Variants in NR3C2 observed in about 807,000 individuals in gnomAD.
NR3C2 encodes mineralocorticoid receptor.
Under a neutral mutation model 86.4 loss-of-function variants are expected in NR3C2, and 15 were observed. That is an observed-to-expected ratio of 0.17 (90% confidence interval 0.12 to 0.27). The LOEUF (loss-of-function observed/expected upper bound fraction) is 0.27. Ranked by LOEUF, NR3C2 falls within the 10% of genes least tolerant of loss-of-function variation. NR3C2 has a pLI of 1.00. For synonymous variants in NR3C2, 458 were observed against 450.5 expected (o/e 1.02, Z -0.21); for missense variants, 960 against 1,195.6 (o/e 0.80, Z 2.91).
At chr4:148,113,954 T>C (rs1732157966) in intron 8 of NR3C2, 150 bp downstream of exon 8, 1 of 940,840 alleles carries the variant, frequency 1.1e-6, no homozygotes, top group Non-Finnish European at 1.7e-6. Context: ...GGTCTCTTCT[T>C]CAGCCCCTTG....
chr4:148,326,690 C>T (rs961007828), intron 2 of NR3C2, among the ~76,000 whole-genome samples: 1 of 151,760 alleles, frequency 6.6e-6, no homozygotes, highest in African/African-American at 2.4e-5. Context: ...CAACTGTTTA[C>T]ATAACATATA....
chr4:148,321,804 C>G lies in NR3C2; in HGVS notation c.1758-61687G>C, dbSNP rs1277654700. On this transcript the variant is annotated intron_variant, in intron 2 of 8. Transcript: ENST00000358102. Reference sequence around the variant, plus strand: ...CATGAGATGGGTTTCCTGAATACAGCACACTGTTGGGTCTTGACTCTTTAT... The same window carrying G: ...CATGAGATGGGTTTCCTGAATACAGGACACTGTTGGGTCTTGACTCTTTAT... 1.4e-4 allele frequency among the ~76,000 whole-genome samples: 21 copies of G among 152,186 alleles called. 1 individual carries two copies. The highest frequency in any genetic ancestry group is 5.1e-4 in the African/African-American group (21 of 41,434).
intron 3 of NR3C2, among the ~76,000 whole-genome samples, chr4:148,239,764 CATGTGAAAAATGAG>C (rs1306083295): frequency 6.6e-6 from 1 of 152,072 alleles, no homozygotes; most frequent in Non-Finnish European, 1.5e-5. Context: ...AAGAAAACAC[CATGTGAAAAATGAG>C]GTGTGAGGAA....
At chr4:148,283,663 C>T (rs1314537626) in intron 2 of NR3C2, among the ~76,000 whole-genome samples, 1 of 152,126 alleles carries the variant, frequency 6.6e-6, no homozygotes, top group Non-Finnish European at 1.5e-5. Context: ...CTTACAATCC[C>T]TCTATTGGTT....
chr4:148,231,919 T>C (rs886718479), intron 3 of NR3C2, among the ~76,000 whole-genome samples: 11 of 152,162 alleles, frequency 7.2e-5, no homozygotes, highest in African/African-American at 1.2e-4. Context: ...ATAAAAAGCA[T>C]TTCCTCATTA....
At chr4:148,084,146 C>A (rs1730704733) in intron 8 of NR3C2, among the ~76,000 whole-genome samples, 1 of 152,132 alleles carries the variant, frequency 6.6e-6, no homozygotes. Flanking sequence ...GACAGGCCAA[C>A]AAATTCAGGA....
intron 3 of NR3C2, among the ~76,000 whole-genome samples, chr4:148,219,320 CT>C (rs1737710792): frequency 6.6e-6 from 1 of 152,118 alleles, no homozygotes; most frequent in Admixed American, 6.5e-5. Context: ...GAGTTGTCAT[CT>C]TATTATGGAG....
intron 2 of NR3C2, among the ~76,000 whole-genome samples, chr4:148,313,269 T>C (rs1041588589): frequency 1.0e-3 from 154 of 152,290 alleles, no homozygotes; most frequent in African/African-American, 3.4e-3. Context: ...TTAAACATAC[T>C]GAGTCCCGAA....
At chr4:148,225,727 G>GA (rs1738123124) in intron 3 of NR3C2, among the ~76,000 whole-genome samples, 1 of 151,990 alleles carries the variant, frequency 6.6e-6, no homozygotes, top group African/African-American at 2.4e-5. Flanking sequence ...AAAAACACAA[G>GA]AAAAACATTT....
chr4:148,318,862 C>A (rs1743382460), intron 2 of NR3C2, among the ~76,000 whole-genome samples: 1 of 151,736 alleles, frequency 6.6e-6, no homozygotes, highest in Non-Finnish European at 1.5e-5. Context: ...TTTTGCTGTG[C>A]AGAAGCTCTT....
In NR3C2 at chr4:148,241,588, CAG is replaced by C. The variant is rs1224537056; in HGVS notation, c.1897+18388_1897+18389del. 2.0e-5 allele frequency among the ~76,000 whole-genome samples: 3 copies of C among 152,238 alleles called. No homozygotes were observed. The East Asian group carries it at 5.8e-4, about 29-fold the overall frequency. On this transcript the variant is annotated intron_variant, in intron 3 of 8. Transcript: ENST00000358102. ...AGCTCCTTTTCCAACTGGGCCTCTC[CAG>C]ACCACACTGACTAACATAACCATTC... is the stretch of plus-strand genomic sequence containing the variant.
chr4:148,389,703 ATATATCT>A (rs901878111), intron 2 of NR3C2, among the ~76,000 whole-genome samples: 50 of 152,310 alleles, frequency 3.3e-4, no homozygotes, highest in African/African-American at 1.2e-3. Flanking sequence ...ACTGATAAAA[ATATATCT>A]TATATCTTCT....
At chr4:148,302,089 A>G (rs1487837365) in intron 2 of NR3C2, among the ~76,000 whole-genome samples, 4 of 152,192 alleles carry the variant, frequency 2.6e-5, no homozygotes, top group African/African-American at 7.2e-5. Flanking sequence ...TTATTCACAG[A>G]TAATTGTTGT....
intron 2 of NR3C2, among the ~76,000 whole-genome samples, chr4:148,373,564 T>A (rs941795190): frequency 1.4e-5 from 2 of 148,064 alleles, no homozygotes; most frequent in Admixed American, 6.9e-5. Flanking sequence ...AACCTCTGCC[T>A]CCCAGGTTCA....
intron 5 of NR3C2, among the ~76,000 whole-genome samples, chr4:148,153,855 T>TG (rs1734218882): frequency 6.6e-6 from 1 of 152,186 alleles, no homozygotes; most frequent in African/African-American, 2.4e-5. Flanking sequence ...TTGCCTTACT[T>TG]GGTCTACACT....
intron 4 of NR3C2, among the ~76,000 whole-genome samples, chr4:148,159,572 C>G (rs1734562244): frequency 6.6e-6 from 1 of 152,270 alleles, no homozygotes; most frequent in African/African-American, 2.4e-5. Context: ...GAAAGAATAA[C>G]TACTTTTTCA....
At chr4:148,247,289 C>A (rs995448235) in intron 3 of NR3C2, among the ~76,000 whole-genome samples, 1 of 152,150 alleles carries the variant, frequency 6.6e-6, no homozygotes, top group Admixed American at 6.5e-5. Context: ...ATTTTTCCTA[C>A]TAAAATCATT....
At chr4:148,381,308 T>C (rs1304020571) in intron 2 of NR3C2, among the ~76,000 whole-genome samples, 2 of 152,024 alleles carry the variant, frequency 1.3e-5, no homozygotes, top group Admixed American at 6.6e-5. Flanking sequence ...ATGGCAAAAG[T>C]AGTAAATGGT....
At chr4:148,139,444 C>A (rs149668822) in intron 6 of NR3C2, among the ~76,000 whole-genome samples, 11 of 152,158 alleles carry the variant, frequency 7.2e-5, no homozygotes, top group Non-Finnish European at 1.3e-4. Context: ...TCAAAATCTC[C>A]CTCTAAACTG....
Sources: allele counts gnomAD v4.1 joint callset (sites outside exome capture counted in the v4.1 genomes callset), GRCh38; gene constraint gnomAD v4.1.1; transcripts MANE v1.5; gene names NCBI Gene and HGNC (gene_info 2026-07-23, HGNC 2026-07-21).